Variants in NDUFAF6 observed in about 807,000 individuals in gnomAD.
NDUFAF6 encodes NADH:ubiquinone oxidoreductase complex assembly factor 6, also known as NADH dehydrogenase (ubiquinone) complex I, assembly factor 6.
NDUFAF6 carries 45 observed loss-of-function variants against 40.8 expected under a neutral mutation model. The ratio of observed to expected loss-of-function variants is 1.10; its 90% confidence interval spans 0.87 to 1.42. NDUFAF6 has a LOEUF of 1.42. Among genes scored for constraint, NDUFAF6 ranks in the 40% most tolerant of loss-of-function variants. The pLI is 0.00. For synonymous variants in NDUFAF6, 185 were observed against 155.9 expected, an observed-to-expected ratio of 1.19 and a Z score of -1.39; for missense variants, 435 against 418.5, an observed-to-expected ratio of 1.04 and a Z score of -0.34.
intron 9 of NDUFAF6, among the ~76,000 whole-genome samples, chr8:95,074,862 C>T (rs1001976906): frequency 7.2e-5 from 11 of 152,160 alleles, no homozygotes; most frequent in Non-Finnish European, 1.5e-4. Flanking sequence ...TTGGAGAGCC[C>T]TTAGATCAAG....
At chr8:94,991,545 T>G (rs1826191888) in intron 2 of NDUFAF6, among the ~76,000 whole-genome samples, 4 of 152,238 alleles carry the variant, frequency 2.6e-5, no homozygotes, top group Admixed American at 2.6e-4. Context: ...AATCAGCTTA[T>G]GTATGTAAAT....
chr8:95,114,472 T>C, intron 4 of NDUFAF6, among the ~76,000 whole-genome samples: 1 of 152,262 alleles, frequency 6.6e-6, no homozygotes, highest in Admixed American at 6.5e-5. Context: ...TGGCATTTTC[T>C]GGAACTGCCT....
chr8:94,970,347 C>T (rs1824368083), intron 1 of NDUFAF6, among the ~76,000 whole-genome samples: 1 of 151,440 alleles, frequency 6.6e-6, no homozygotes, highest in Non-Finnish European at 1.5e-5. Flanking sequence ...ATCATTTAAC[C>T]CAGAAATTCC....
At chr8:94,964,494 A>G (rs1462045636) in intron 1 of NDUFAF6, among the ~76,000 whole-genome samples, 6 of 151,924 alleles carry the variant, frequency 3.9e-5, no homozygotes, top group Non-Finnish European at 2.9e-5. Context: ...AGAGGTTTAT[A>G]TGGCTCGCAG....
chr8:95,101,512 C>G (rs1442157246), intron 2 of NDUFAF6, among the ~76,000 whole-genome samples: 2 of 152,236 alleles, frequency 1.3e-5, no homozygotes, highest in East Asian at 3.9e-4. Context: ...CTGGAAGGCT[C>G]TTCCTCATGC....
chr8:94,977,827 A>C (rs1825095311), intron 1 of NDUFAF6, among the ~76,000 whole-genome samples: 3 of 152,240 alleles, frequency 2.0e-5, no homozygotes, highest in Middle Eastern at 6.8e-3. Flanking sequence ...AGTTAAGTCT[A>C]GGGAATATCT....
chr8:95,109,682 CTCT>C (rs1392079092), intron 4 of NDUFAF6, among the ~76,000 whole-genome samples: 4 of 151,998 alleles, frequency 2.6e-5, no homozygotes, highest in African/African-American at 9.7e-5. Context: ...TCACTTTGAC[CTCT>C]TCTTATATCA....
At chr8:94,900,910 C>G (rs1414766691) in intron 1 of NDUFAF6, among the ~76,000 whole-genome samples, 1 of 152,074 alleles carries the variant, frequency 6.6e-6, no homozygotes, top group Non-Finnish European at 1.5e-5. Flanking sequence ...CAGTAGGGCA[C>G]AGTAAAGCAA....
intron 2 of NDUFAF6, among the ~76,000 whole-genome samples, chr8:95,001,212 C>G (rs1261161708): frequency 6.6e-6 from 1 of 152,024 alleles, no homozygotes; most frequent in Non-Finnish European, 1.5e-5. Context: ...CTACTTGGCC[C>G]CAAAGTGCTG....
upstream of NDUFAF6, among the ~76,000 whole-genome samples, chr8:94,956,814 G>A (rs76388970): frequency 0.019 from 2,866 of 152,222 alleles, 81 homozygotes; most frequent in African/African-American, 0.065. Flanking sequence ...GATGTGAAAT[G>A]TGAAAGAGAA....
At chr8:94,929,789 C>CT (rs1443294873) in intron 1 of NDUFAF6, 1 of 152,230 alleles carries the variant, frequency 6.6e-6, no homozygotes, top group African/African-American at 2.4e-5. Flanking sequence ...ACAAGTGCCT[C>CT]TGTCTACAAC....
intron 2 of NDUFAF6, among the ~76,000 whole-genome samples, chr8:95,084,102 A>G (rs1808965402): frequency 2.0e-5 from 3 of 152,106 alleles, no homozygotes; most frequent in African/African-American, 7.2e-5. Flanking sequence ...CATTCTTCCT[A>G]TATTTATTAT....
Position 94,920,484 on chromosome 8 carries a change from G to A in NDUFAF6, c.-936+24557G>A, listed in dbSNP as rs546470951. ...TTTTATAAGGACATTAATTTCATTC[G>A]TAAGGGCAGAGCACTTAGGGCCTAA... On this transcript the variant is annotated intron_variant, in intron 1 of 14. Transcript: ENST00000396113. 5.9e-5 allele frequency among the ~76,000 whole-genome samples: 9 copies of A among 152,252 alleles called. No homozygotes were observed. The South Asian group carries it at 1.0e-3, about 18-fold the overall frequency.
chr8:94,987,108 G>A (rs1021137283), intron 2 of NDUFAF6, among the ~76,000 whole-genome samples: 1 of 152,126 alleles, frequency 6.6e-6, no homozygotes, highest in Non-Finnish European at 1.5e-5. Flanking sequence ...TCCCCCAGAA[G>A]TACAGACTAT....
intron 4 of NDUFAF6, among the ~76,000 whole-genome samples, chr8:95,113,256 A>G (rs1232710447): frequency 6.6e-6 from 1 of 152,238 alleles, no homozygotes; most frequent in African/African-American, 2.4e-5. Flanking sequence ...TACTTAAAAA[A>G]GATGTGTCAT....
At chr8:94,983,512 C>T (rs188253458) in intron 2 of NDUFAF6, among the ~76,000 whole-genome samples, 99 of 152,098 alleles carry the variant, frequency 6.5e-4, no homozygotes, top group African/African-American at 2.0e-3. Context: ...GTGATCCACC[C>T]GCCTCGGCCT....
upstream of NDUFAF6, among the ~76,000 whole-genome samples, chr8:94,954,443 C>T (rs1822900171): frequency 2.6e-5 from 4 of 152,132 alleles, no homozygotes; most frequent in Admixed American, 2.6e-4. Flanking sequence ...AGTCTTGGCC[C>T]TCAAGAACCT....
At chr8:94,903,741 C>T (rs1185181591) in intron 1 of NDUFAF6, among the ~76,000 whole-genome samples, 1 of 152,196 alleles carries the variant, frequency 6.6e-6, no homozygotes, top group African/African-American at 2.4e-5. Context: ...GATGGATGCA[C>T]AGAGATTAAT....
At chr8:95,090,027 A>G (rs1216212258) in intron 2 of NDUFAF6, among the ~76,000 whole-genome samples, 1 of 152,014 alleles carries the variant, frequency 6.6e-6, no homozygotes, top group African/African-American at 2.4e-5. Context: ...GACTTCCCAC[A>G]TTTCTGGCAT....
Sources: gnomAD v4.1 joint callset for allele counts (sites outside exome capture counted in the v4.1 genomes callset) on GRCh38, gnomAD v4.1.1 for gene constraint, MANE v1.5 for transcripts, NCBI Gene and HGNC (gene_info 2026-07-23, HGNC 2026-07-21) for gene names.